Variants in CSNK2A1 observed in about 807,000 individuals in gnomAD.
CSNK2A1 encodes the protein casein kinase 2 alpha 1.
Under a neutral mutation model 62.9 loss-of-function variants are expected in CSNK2A1, and 10 were observed. That is an observed-to-expected ratio of 0.16 (90% confidence interval 0.10 to 0.27). The LOEUF (loss-of-function observed/expected upper bound fraction) is 0.27, where lower values mean the gene tolerates loss of function less well. Ranked by LOEUF, CSNK2A1 falls within the 10% of genes least tolerant of loss-of-function variation. The pLI is 1.00. For synonymous variants in CSNK2A1, 124 were observed against 167.8 expected, an observed-to-expected ratio of 0.74 and a Z score of 2.02; for missense variants, 160 against 492.0, an observed-to-expected ratio of 0.33 and a Z score of 6.38.
chr20:541,218 C>T (rs938060392), intron 1 of CSNK2A1: 4 of 152,158 alleles, frequency 2.6e-5, no homozygotes, highest in South Asian at 4.1e-4. Context: ...TGACTAGATT[C>T]GGCCCACCCA....
At position 479,821 on chromosome 20, in the gene CSNK2A1, A is replaced by G. The variant is rs2017919815; in HGVS notation, c.*4140T>C. The G allele has an allele frequency of 6.6e-6, 1 of 152,250 alleles. No homozygotes were observed. Among genetic ancestry groups the G allele is most frequent in the South Asian group, 2.1e-4 (1 of 4,830 alleles). The allele number at this position is 152,250 out of a possible 1,614,324, so 9.4% of individuals were successfully genotyped here. On this transcript the variant is annotated 3_prime_UTR_variant, in exon 14 of 14. Coordinates refer to ENST00000217244, the MANE Select transcript of CSNK2A1 (RefSeq NM_177559.3). ...CTAATTTGAAAATACAAAATCCTCAAAAATCTGAAATTTTTTAAGCATCAA... is the reference window on the plus strand; with the variant it reads ...CTAATTTGAAAATACAAAATCCTCAGAAATCTGAAATTTTTTAAGCATCAA...
chr20:532,156 T>C (rs990336749), intron 1 of CSNK2A1, among the ~76,000 whole-genome samples: 2 of 152,054 alleles, frequency 1.3e-5, no homozygotes, highest in African/African-American at 4.8e-5. Flanking sequence ...TCCCAGTTTT[T>C]CTAAACTTTT....
At chr20:536,015 A>G (rs1309513381) in intron 1 of CSNK2A1, among the ~76,000 whole-genome samples, 1 of 152,144 alleles carries the variant, frequency 6.6e-6, no homozygotes, top group East Asian at 1.9e-4. Flanking sequence ...GCAAAGGTAG[A>G]CCTTTTCCTG....
At chr20:524,598 C>T (rs1296948617) in intron 2 of CSNK2A1, among the ~76,000 whole-genome samples, 14 of 143,064 alleles carry the variant, frequency 9.8e-5, no homozygotes, top group South Asian at 4.5e-4. Context: ...GGTGTGGTGG[C>T]GGGTGCCTAT....
chr20:514,524 C>T (rs2018790014), intron 2 of CSNK2A1, among the ~76,000 whole-genome samples: 1 of 152,038 alleles, frequency 6.6e-6, no homozygotes, highest in Non-Finnish European at 1.5e-5. Context: ...GAAACCTCCA[C>T]CTCATCTCCT....
At chr20:538,908 T>G (rs1405231294) in intron 1 of CSNK2A1, among the ~76,000 whole-genome samples, 1 of 152,204 alleles carries the variant, frequency 6.6e-6, no homozygotes, top group Non-Finnish European at 1.5e-5. Flanking sequence ...ACCAATGTCC[T>G]AGACCTTCAG....
intron 8 of CSNK2A1, chr20:495,075 G>A (rs749139619): frequency 6.6e-6 from 1 of 152,188 alleles, no homozygotes; most frequent in Non-Finnish European, 1.5e-5. Flanking sequence ...TGTATGTTGA[G>A]TTCACTTACA....
chr20:537,034 T>C (rs2019347658), intron 1 of CSNK2A1, among the ~76,000 whole-genome samples: 1 of 152,192 alleles, frequency 6.6e-6, no homozygotes, highest in Admixed American at 6.5e-5. Flanking sequence ...ATGAGATAGC[T>C]AAACTGAGAA....
intron 4 of CSNK2A1, 135 bp from the exon 5 acceptor site, chr20:500,069 C>A: frequency 1.5e-6 from 1 of 662,124 alleles, no homozygotes; most frequent in South Asian, 1.9e-5. Flanking sequence ...GTGTCACATT[C>A]GTCTCTGAAT....
intron 13 of CSNK2A1, among the ~76,000 whole-genome samples, chr20:485,099 A>AT (rs2018056429): frequency 1.5e-4 from 5 of 34,462 alleles, no homozygotes; most frequent in African/African-American, 4.9e-4. Context: ...AAAAAAAAAA[A>AT]AAAAAAAAAA....
In CSNK2A1 at chr20:499,976, ATT is replaced by A; in HGVS notation, c.214-44_214-43del. The A allele has an allele frequency of 2.2e-6, 3 of 1,362,310 alleles. No homozygotes were observed. The highest frequency in any genetic ancestry group is 1.3e-5 in the South Asian group (1 of 77,294). 84.4% of individuals were successfully genotyped at this position (1,362,310 alleles called of 1,614,324 possible). On this transcript the variant is annotated intron_variant, in intron 4 of 13. Coordinates refer to ENST00000217244, the MANE Select transcript of CSNK2A1 (RefSeq NM_177559.3). The surrounding 1 kb of genome is among the most constrained non-coding windows in gnomAD (Gnocchi z 4.2). Reference sequence around the variant, plus strand: ...ACATCAGCAAAAAAAAAAAAAAAAAATTTTTTCAGAGTATTTCAACACGTAGT... The same window carrying A: ...ACATCAGCAAAAAAAAAAAAAAAAAATTTTCAGAGTATTTCAACACGTAGT...
At chr20:541,470 A>T (rs1284070912) in intron 1 of CSNK2A1, among the ~76,000 whole-genome samples, 1 of 152,204 alleles carries the variant, frequency 6.6e-6, no homozygotes, top group African/African-American at 2.4e-5. Flanking sequence ...TATATATTTT[A>T]CTTATGTGAA....
At chr20:529,853 A>G (rs1342058334) in intron 1 of CSNK2A1, among the ~76,000 whole-genome samples, 1 of 152,222 alleles carries the variant, frequency 6.6e-6, no homozygotes, top group Non-Finnish European at 1.5e-5. Flanking sequence ...CCAACTGATG[A>G]TAATCAGGTT....
chr20:541,934 G>A (rs868549750), intron 1 of CSNK2A1, among the ~76,000 whole-genome samples: 2 of 152,186 alleles, frequency 1.3e-5, no homozygotes, highest in African/African-American at 2.4e-5. Context: ...GACTGCAGGT[G>A]AACTTTTGAG....
intron 4 of CSNK2A1, chr20:502,771 G>A (rs986894901): frequency 1.3e-5 from 2 of 152,106 alleles, no homozygotes; most frequent in East Asian, 1.9e-4. Context: ...CCAGGCCTTC[G>A]CCAACTTAAT....
At chr20:487,203 GAA>G (rs2018118835) in intron 12 of CSNK2A1, 1 of 612,692 alleles carries the variant, frequency 1.6e-6, no homozygotes, top group South Asian at 2.2e-5. Context: ...CTCACAGTAT[GAA>G]AAGAGTTTAT....
At chr20:494,042 T>G (rs2122526960) in intron 8 of CSNK2A1, 1 of 151,234 alleles carries the variant, frequency 6.6e-6, no homozygotes, top group South Asian at 2.1e-4. Context: ...TTTTTTTTTT[T>G]TTTGAGACGC....
At chr20:520,735 A>T (rs919808787) in intron 2 of CSNK2A1, among the ~76,000 whole-genome samples, 7 of 152,190 alleles carry the variant, frequency 4.6e-5, no homozygotes, top group Non-Finnish European at 8.8e-5. Flanking sequence ...TCTGAGCTCA[A>T]CTGATCCACC....
rs529683189 is a variant in CSNK2A1 at position 475,374 on chromosome 20, C to T, written c.*8587G>A. On this transcript the variant is annotated 3_prime_UTR_variant, in exon 14 of 14. Transcript: ENST00000217244. Reference sequence around the variant, plus strand: ...ACTTGGGAGGCTGAGGCAGGAGAATCGCTTGAACCTGGGAGGTGGAGGTTG... The same window carrying T: ...ACTTGGGAGGCTGAGGCAGGAGAATTGCTTGAACCTGGGAGGTGGAGGTTG... 248 of 151,660 alleles carry T rather than the reference C, an allele frequency of 1.6e-3. 2 individuals carry two copies. Among genetic ancestry groups the T allele is most frequent in the Admixed American group, 4.1e-3 (63 of 15,200 alleles). The allele number at this position is 151,660 out of a possible 1,614,324, so 9.4% of individuals were successfully genotyped here. A position where few individuals can be genotyped will look rare whatever the true frequency, so the allele number is the denominator to read the frequency against.
Sources: gnomAD v4.1 joint callset for allele counts (sites outside exome capture counted in the v4.1 genomes callset) on GRCh38, gnomAD v4.1.1 for gene constraint, Gnocchi (gnomAD v3.1) non-coding constraint, MANE v1.5 for transcripts, NCBI Gene and HGNC (gene_info 2026-07-23, HGNC 2026-07-21) for gene names.